The following POR variants were observed in gnomAD, a reference collection of about 807,000 sequenced individuals.
The protein encoded by POR is cytochrome p450 oxidoreductase.
POR carries 56 observed loss-of-function variants against 84.0 expected under a neutral mutation model. The observed-to-expected ratio is 0.67, with a 90% CI of 0.54 to 0.83. The LOEUF (loss-of-function observed/expected upper bound fraction) is 0.83. POR is among the 40% of genes least tolerant of loss of function. The pLI, the probability that POR is intolerant of heterozygous loss-of-function variation, is 0.00. For missense variants in POR, 938 were observed against 944.3 expected (o/e 0.99, Z 0.09); for synonymous variants, 414 against 400.5 (o/e 1.03, Z -0.40).
chr7:75,932,127 T>G (rs1807449727), intron 1 of POR, among the ~76,000 whole-genome samples: 1 of 152,180 alleles, frequency 6.6e-6, no homozygotes, highest in Non-Finnish European at 1.5e-5. Context: ...TCAGGGACCT[T>G]GAAAATATTT....
chr7:75,946,119 A>G (rs1160267480), intron 1 of POR, among the ~76,000 whole-genome samples: 4 of 152,138 alleles, frequency 2.6e-5, no homozygotes, highest in Non-Finnish European at 5.9e-5. Flanking sequence ...ACCGAAATTG[A>G]CAGGGAATCG....
In POR at chr7:75,985,423, C is replaced by T. The variant is rs550422111; in HGVS notation, c.1399-156C>T. The T allele has an allele frequency of 3.3e-5, 38 of 1,151,774 alleles. No homozygotes were observed. The East Asian group carries it at 3.9e-4, about 12-fold the overall frequency. The allele number at this position is 1,151,774 out of a possible 1,614,324, so 71.3% of individuals were successfully genotyped here. A position where few individuals can be genotyped will look rare whatever the true frequency, so the allele number is the denominator to read the frequency against. On this transcript the variant is annotated intron_variant, in intron 12 of 15. Coordinates refer to ENST00000461988, the MANE Select transcript of POR (RefSeq NM_000941.3). The stretch of plus-strand genomic sequence containing the variant: ...CCAGCCCCGGTCCCCAGAACCAGTC[C>T]GGGAAGCCGCTGGGGAGGGGGCCTC...
chr7:75,915,492 G>T (rs942151358), intron 1 of POR: 1 of 152,282 alleles, frequency 6.6e-6, no homozygotes, highest in Non-Finnish European at 1.5e-5. Context: ...CAGGGCTCGG[G>T]GTCCAGTCCC....
chr7:75,953,154 C>CA (rs1179240751), intron 1 of POR, among the ~76,000 whole-genome samples: 8 of 151,804 alleles, frequency 5.3e-5, no homozygotes, highest in Non-Finnish European at 1.0e-4. Flanking sequence ...CCGTTTCCAC[C>CA]AAAAAAATAC....
rs782446980 is a variant in POR, at chr7:75,986,415, G to A, written c.1977G>A (p.Ala659=). 9.9e-6 allele frequency: 16 copies of A among 1,612,410 alleles called. No individual in the cohort carries two copies. The highest frequency in any genetic ancestry group is 4.0e-5 in the African/African-American group (3 of 74,932). Residue 659 remains alanine, a synonymous_variant, in exon 16 of 16, where the codon GCG becomes GCA. Coordinates refer to ENST00000461988, the MANE Select transcript of POR (RefSeq NM_000941.3). ...CTGAGCTCGGGGCCATGGAGCACGC[G>A]CAGGCGGTGGACTACATCAAGAAAC...
At chr7:75,943,749 G>GT (rs782807161) in intron 1 of POR, 1 of 405,628 alleles carries the variant, frequency 2.5e-6, no homozygotes, top group Non-Finnish European at 4.9e-6. Flanking sequence ...AAAAGTATTG[G>GT]TAACGTCTTT....
intron 2 of POR, chr7:75,968,062 G>C (rs1554555547): frequency 2.2e-6 from 1 of 455,226 alleles, no homozygotes; most frequent in Non-Finnish European, 4.4e-6. Flanking sequence ...CTTAAGTCCT[G>C]GAGCTGAGAG....
At chr7:75,930,402 A>G (rs1468291818) in intron 1 of POR, among the ~76,000 whole-genome samples, 2 of 152,134 alleles carry the variant, frequency 1.3e-5, no homozygotes. Context: ...GGATCACTTG[A>G]TCCTGGGAGG....
chr7:75,981,373 G>A (rs1554557856), intron 6 of POR, 144 bp from the exon 7 acceptor site: 2 of 1,194,478 alleles, frequency 1.7e-6, no homozygotes, highest in African/African-American at 1.5e-5. Context: ...CCTTCCTGAT[G>A]CTCTGGGTTT....
chr7:75,986,230 C>A lies in POR; in HGVS notation c.1887C>A (p.Ile629=), dbSNP rs782304972. The A allele has an allele frequency of 6.2e-7, 1 of 1,612,700 alleles. No individual in the cohort carries two copies. Among genetic ancestry groups the A allele is most frequent in the South Asian group, 1.1e-5 (1 of 91,076 alleles). ...AGTTGATCGAAGGCGGTGCCCACAT[C>A]TACGTCTGTGGGTGAGTGAGTGGGG... The change falls in exon 15 of 16, where the codon ATC becomes ATA. Residue 629 remains isoleucine (I), a synonymous_variant. Coordinates refer to ENST00000461988, the MANE Select transcript of POR (RefSeq NM_000941.3).
intron 3 of POR, among the ~76,000 whole-genome samples, chr7:75,973,860 A>G (rs1170320449): frequency 6.6e-6 from 1 of 151,170 alleles, no homozygotes; most frequent in Non-Finnish European, 1.5e-5. Context: ...TTGTATTTTT[A>G]GTAGAGACGG....
intron 10 of POR, among the ~76,000 whole-genome samples, chr7:75,984,447 TC>T (rs1440094485): frequency 1.3e-5 from 2 of 152,162 alleles, no homozygotes; most frequent in African/African-American, 4.8e-5. Context: ...ACTGTCGGCT[TC>T]CACAGCCCGC....
At chr7:75,978,970 T>C (rs1788841459) in intron 3 of POR, among the ~76,000 whole-genome samples, 1 of 151,212 alleles carries the variant, frequency 6.6e-6, no homozygotes. Flanking sequence ...CTAATTTTTG[T>C]AGTTTTAGTA....
In POR at chr7:75,919,126, G is replaced by A. The variant is rs367698717; in HGVS notation, c.-5+3947G>A. 6.6e-5 allele frequency among the ~76,000 whole-genome samples: 10 copies of A among 151,974 alleles called. No individual in the cohort carries two copies. In the South Asian group the frequency reaches 2.1e-3, roughly 32 times the overall value. ...CAATTCTTGTGCCTCAGCCTCCCGAGTAGCTAGGATTACAGGCACCGGCCA... is the reference window on the plus strand; with the variant it reads ...CAATTCTTGTGCCTCAGCCTCCCGAATAGCTAGGATTACAGGCACCGGCCA... On this transcript the variant is annotated intron_variant, in intron 1 of 15. Coordinates refer to ENST00000461988, the MANE Select transcript of POR (RefSeq NM_000941.3).
intron 1 of POR, among the ~76,000 whole-genome samples, chr7:75,934,814 TGTG>T (rs1226756437): frequency 6.6e-6 from 1 of 152,084 alleles, no homozygotes; most frequent in African/African-American, 2.4e-5. Flanking sequence ...GCCGCTTCAA[TGTG>T]GTGGTGAGCC....
At chr7:75,927,438 C>T (rs528356956) in intron 1 of POR, among the ~76,000 whole-genome samples, 2 of 151,138 alleles carry the variant, frequency 1.3e-5, no homozygotes, top group South Asian at 4.2e-4. Flanking sequence ...GCCTGGCTGA[C>T]AGAGTGAGAC....
chr7:75,926,620 A>C (rs536479714), intron 1 of POR, among the ~76,000 whole-genome samples: 201 of 152,030 alleles, frequency 1.3e-3, no homozygotes, highest in African/African-American at 4.4e-3. Context: ...ACATGGAGAA[A>C]CCTGTCTCTA....
intron 2 of POR, among the ~76,000 whole-genome samples, chr7:75,956,040 G>A (rs1004367771): frequency 1.4e-4 from 21 of 152,202 alleles, no homozygotes; most frequent in African/African-American, 4.8e-4. Flanking sequence ...GCTCACGTCT[G>A]TAATTCCACC....
intron 1 of POR, chr7:75,923,191 A>G: frequency 1.7e-6 from 2 of 1,152,826 alleles, no homozygotes; most frequent in Non-Finnish European, 2.6e-6. Context: ...CAAGGTCAAG[A>G]ATAAGACCAT....
Sources: gnomAD v4.1 joint callset for allele counts (sites outside exome capture counted in the v4.1 genomes callset) on GRCh38, gnomAD v4.1.1 for gene constraint, MANE v1.5 for transcripts, NCBI Gene and HGNC (gene_info 2026-07-23, HGNC 2026-07-21) for gene names.